TMPRSS11F: variants seen among roughly 807,000 people sequenced by gnomAD.
The protein encoded by TMPRSS11F is transmembrane protease serine 11F.
TMPRSS11F carries 47 observed loss-of-function variants against 60.2 expected under a neutral mutation model. The ratio of observed to expected loss-of-function variants is 0.78; its 90% CI spans 0.62 to 1.00. The LOEUF is 1.00. Among genes scored for constraint, TMPRSS11F ranks in the 50% least tolerant of loss-of-function variants. The pLI is 0.00. For synonymous variants in TMPRSS11F, 166 were observed against 167.3 expected (o/e 0.99, Z 0.06); for missense variants, 519 against 522.9 (o/e 0.99, Z 0.07).
intron 3 of TMPRSS11F, among the ~76,000 whole-genome samples, chr4:68,089,084 G>C (rs72649605): frequency 1.3e-3 from 205 of 151,946 alleles, no homozygotes; most frequent in Non-Finnish European, 1.9e-3. Context: ...ACCAAAAAAG[G>C]GTCCAAATCA....
At chr4:68,104,224 G>A (rs1476001688) in intron 1 of TMPRSS11F, among the ~76,000 whole-genome samples, 1 of 152,106 alleles carries the variant, frequency 6.6e-6, no homozygotes, top group Non-Finnish European at 1.5e-5. Flanking sequence ...AGATGTTGGT[G>A]GAAATGCATT....
chr4:68,057,583 G>C (rs1167139223), intron 9 of TMPRSS11F, among the ~76,000 whole-genome samples: 1 of 152,048 alleles, frequency 6.6e-6, no homozygotes, highest in Admixed American at 6.5e-5. Flanking sequence ...CTCACAGAAT[G>C]GGAAAACATG....
intron 1 of TMPRSS11F, among the ~76,000 whole-genome samples, chr4:68,112,689 T>C (rs1205537877): frequency 1.3e-5 from 2 of 152,146 alleles, no homozygotes; most frequent in Non-Finnish European, 2.9e-5. Flanking sequence ...GTATGAATAG[T>C]ACCTATTTTG....
chr4:68,127,573 T>A (rs1724738388), intron 1 of TMPRSS11F, among the ~76,000 whole-genome samples: 1 of 152,160 alleles, frequency 6.6e-6, no homozygotes, highest in East Asian at 1.9e-4. Context: ...CCATATTAAC[T>A]AGCTATTAAC....
At chr4:68,063,771 A>G (rs1490360349) in intron 8 of TMPRSS11F, among the ~76,000 whole-genome samples, 1 of 152,116 alleles carries the variant, frequency 6.6e-6, no homozygotes, top group African/African-American at 2.4e-5. Context: ...ATGTCTTTTA[A>G]CACCCCTAGC....
Position 68,085,020 on chromosome 4 carries a change from T to C in TMPRSS11F, c.282+5503A>G, listed in dbSNP as rs1723784602. ...TGTTCTTGCGATAGTTTACTGAGAA[T>C]GATGATTTCCAATTTCATCCATGTC... is the stretch of plus-strand genomic sequence containing the variant. On this transcript the variant is annotated intron_variant, in intron 3 of 9. Transcript: ENST00000356291. Among the ~76,000 whole-genome samples the C allele has an allele frequency of 4.6e-5, 6 of 131,790 alleles. No individual in the cohort carries two copies. In the South Asian group the frequency reaches 1.7e-3, roughly 37 times the overall value. The allele number at this position is 131,790 out of a possible 152,430, so 86.5% of individuals were successfully genotyped here. A position where few individuals can be genotyped will look rare whatever the true frequency, so the allele number is the denominator to read the frequency against.
intron 8 of TMPRSS11F, among the ~76,000 whole-genome samples, chr4:68,060,077 A>G (rs955604785): frequency 1.3e-5 from 2 of 152,084 alleles, no homozygotes; most frequent in South Asian, 4.1e-4. Context: ...GGTTGAAGCT[A>G]TTGGTGAGTA....
At chr4:68,128,130 G>A (rs952338146) in intron 1 of TMPRSS11F, among the ~76,000 whole-genome samples, 16 of 152,050 alleles carry the variant, frequency 1.1e-4, no homozygotes, top group Non-Finnish European at 2.1e-4. Context: ...TAGTCTATCT[G>A]ACTAATTCAT....
At chr4:68,123,466 C>A (rs1053865968) in intron 1 of TMPRSS11F, among the ~76,000 whole-genome samples, 2 of 152,040 alleles carry the variant, frequency 1.3e-5, no homozygotes, top group East Asian at 3.9e-4. Flanking sequence ...TGATAATATC[C>A]GAAGAGCCCA....
intron 9 of TMPRSS11F, among the ~76,000 whole-genome samples, chr4:68,054,865 C>T (rs1435087051): frequency 6.6e-6 from 1 of 152,090 alleles, no homozygotes; most frequent in African/African-American, 2.4e-5. Context: ...AAAACAACAA[C>T]AACAACAACA....
At chr4:68,126,331 A>C (rs1724713711) in intron 1 of TMPRSS11F, among the ~76,000 whole-genome samples, 1 of 152,218 alleles carries the variant, frequency 6.6e-6, no homozygotes, top group Admixed American at 6.5e-5. Flanking sequence ...TGTACTAATG[A>C]ATAAATGAAA....
At chr4:68,108,082 C>A (rs1462492287) in intron 1 of TMPRSS11F, among the ~76,000 whole-genome samples, 2 of 152,116 alleles carry the variant, frequency 1.3e-5, no homozygotes, top group Non-Finnish European at 2.9e-5. Context: ...ATTAGGGGAC[C>A]CTTGCAATAG....
intron 1 of TMPRSS11F, among the ~76,000 whole-genome samples, chr4:68,109,583 T>C (rs531402373): frequency 9.9e-4 from 151 of 152,270 alleles, no homozygotes; most frequent in African/African-American, 3.5e-3. Context: ...AAATTTGAAA[T>C]AAAGAGCCAA....
At chr4:68,062,739 T>G (rs534262518) in intron 8 of TMPRSS11F, 4 of 743,078 alleles carry the variant, frequency 5.4e-6, no homozygotes, top group Non-Finnish European at 1.0e-5. Context: ...AGGGTCACTT[T>G]GAAAACAAAA....
intron 5 of TMPRSS11F, 89 bp from the exon 6 acceptor site, chr4:68,070,096 G>C: frequency 9.2e-7 from 1 of 1,086,368 alleles, no homozygotes; most frequent in Non-Finnish European, 1.4e-6. Context: ...ATAGAAATGT[G>C]AATTATCTAA....
intron 9 of TMPRSS11F, among the ~76,000 whole-genome samples, chr4:68,054,922 G>A (rs1052899758): frequency 3.9e-5 from 6 of 152,130 alleles, no homozygotes; most frequent in Non-Finnish European, 7.4e-5. Context: ...ATCATGATAC[G>A]TGCTATGGTA....
intron 2 of TMPRSS11F, among the ~76,000 whole-genome samples, chr4:68,096,118 T>C (rs893980048): frequency 3.5e-5 from 5 of 143,782 alleles, no homozygotes; most frequent in African/African-American, 1.0e-4. Flanking sequence ...CAGTCAATAA[T>C]TTAAAAAAAA....
chr4:68,057,608 A>G (rs997444234), intron 9 of TMPRSS11F, among the ~76,000 whole-genome samples: 16 of 152,192 alleles, frequency 1.1e-4, no homozygotes, highest in Admixed American at 6.5e-5. Context: ...CAAACCATAT[A>G]TTTGATAAGG....
At chr4:68,097,351 C>T (rs891437409) in intron 2 of TMPRSS11F, among the ~76,000 whole-genome samples, 2 of 152,128 alleles carry the variant, frequency 1.3e-5, no homozygotes, top group Non-Finnish European at 2.9e-5. Context: ...TTATTTTTTG[C>T]CTTTTTCTAG....
Sources: allele counts gnomAD v4.1 joint callset (sites outside exome capture counted in the v4.1 genomes callset), GRCh38; gene constraint gnomAD v4.1.1; transcripts MANE v1.5; gene names NCBI Gene and HGNC (gene_info 2026-07-23, HGNC 2026-07-21).